CDC16: variants seen among roughly 807,000 people sequenced by gnomAD.
CDC16 encodes the protein cell division cycle 16, also known as cell division cycle protein 16 homolog.
A neutral mutation model predicts 87.0 loss-of-function variants in CDC16; 34 were observed. The ratio of observed to expected loss-of-function variants is 0.39; its 90% CI spans 0.30 to 0.52. The LOEUF is 0.52. Ranked by LOEUF, CDC16 falls within the 20% of genes least tolerant of loss-of-function variation. CDC16 has a pLI of 0.74. For synonymous variants in CDC16, 263 were observed against 260.6 expected, an observed-to-expected ratio of 1.01 and a Z score of -0.09; for missense variants, 653 against 751.9, an observed-to-expected ratio of 0.87 and a Z score of 1.54.
In CDC16 at chr13:114,250,661, C is replaced by T; in HGVS notation, c.1084C>T (p.Gln362Ter). The T allele has an allele frequency of 6.2e-7, 1 of 1,614,012 alleles. No homozygotes were observed. Among genetic ancestry groups the T allele is most frequent in the Non-Finnish European group, 8.5e-7 (1 of 1,179,952 alleles). The change falls in exon 12 of 18, where the codon CAG becomes TAG. Residue 362 changes from glutamine to a stop codon, truncating the protein, a stop_gained. Transcript: ENST00000356221. LOFTEE classifies it high-confidence loss of function. ...QAMAAYFTAA[Q>*]LMKGCHLPML... ...GATGGCTGCTTACTTCACAGCAGCA[C>T]AGCTGATGAAAGGGTACGGCAGAGC...
At chr13:114,239,179 T>TA in intron 4 of CDC16, 151 bp downstream of exon 4, 1 of 1,408,924 alleles carries the variant, frequency 7.1e-7, no homozygotes, top group African/African-American at 1.4e-5. Context: ...ATGTTTGCTA[T>TA]AAAATACTGA....
intron 10 of CDC16, among the ~76,000 whole-genome samples, chr13:114,246,638 G>C (rs2081888792): frequency 6.6e-6 from 1 of 152,180 alleles, no homozygotes; most frequent in Non-Finnish European, 1.5e-5. Context: ...GAAGAGCCAG[G>C]GTCAGGCTGG....
chr13:114,248,157 A>C (rs1166624158), intron 11 of CDC16, among the ~76,000 whole-genome samples: 1 of 152,222 alleles, frequency 6.6e-6, no homozygotes, highest in East Asian at 1.9e-4. Context: ...AAGCTATTTA[A>C]CCAGTATTAT....
chr13:114,263,865 A>G (rs1476784843), intron 16 of CDC16, among the ~76,000 whole-genome samples: 2 of 152,196 alleles, frequency 1.3e-5, no homozygotes, highest in Non-Finnish European at 2.9e-5. Flanking sequence ...CTGCCAACAT[A>G]ACCACCAAGT....
chr13:114,268,052 C>T (rs1384083119), intron 17 of CDC16, among the ~76,000 whole-genome samples: 1 of 152,140 alleles, frequency 6.6e-6, no homozygotes, highest in African/African-American at 2.4e-5. Flanking sequence ...TTCACTGTCA[C>T]CAGAGTGTCC....
chr13:114,246,200 C>A (rs771601686), intron 10 of CDC16, 151 bp downstream of exon 10: 6 of 507,908 alleles, frequency 1.2e-5, no homozygotes, highest in Middle Eastern at 5.1e-4. Context: ...ATTGTACTTA[C>A]AAAAGCAGCA....
intron 12 of CDC16, among the ~76,000 whole-genome samples, chr13:114,253,881 C>G (rs1473462648): frequency 6.6e-6 from 1 of 152,070 alleles, no homozygotes; most frequent in East Asian, 1.9e-4. Context: ...TGCATTATTG[C>G]AAGTGAGGTA....
intron 16 of CDC16, among the ~76,000 whole-genome samples, chr13:114,264,551 T>G (rs1393711166): frequency 6.6e-6 from 1 of 151,622 alleles, no homozygotes; most frequent in African/African-American, 2.4e-5. Flanking sequence ...AGAGCGAGAC[T>G]CTGTCTCAAA....
chr13:114,247,358 G>A (rs552025260), intron 11 of CDC16: 29 of 207,338 alleles, frequency 1.4e-4, no homozygotes, highest in African/African-American at 5.4e-4. Context: ...TAGTAGAGAC[G>A]AATCTCACTG....
Position 114,265,132 on chromosome 13 carries a change from C to T in CDC16, c.1513-18C>T. The T allele has an allele frequency of 6.5e-7, 1 of 1,527,572 alleles. No individual in the cohort carries two copies. Among genetic ancestry groups the T allele is most frequent in the Non-Finnish European group, 9.1e-7 (1 of 1,101,430 alleles). 94.6% of individuals were successfully genotyped at this position (1,527,572 alleles called of 1,614,324 possible). On this transcript the variant is annotated intron_variant, in intron 16 of 17. Transcript: ENST00000356221. ...AATATGTTTTCTTTTAATAACCATG[C>T]TGAATCTTTTATGGCAGGCCCTTGG...
chr13:114,266,954 C>T (rs868706521), intron 17 of CDC16, among the ~76,000 whole-genome samples: 30 of 152,036 alleles, frequency 2.0e-4, no homozygotes, highest in Middle Eastern at 3.4e-3. Context: ...CCTCGGCCTC[C>T]CAAAGTGCTG....
Position 114,243,981 on chromosome 13 carries a change from T to C in CDC16, c.759T>C (p.Leu253=). 1.2e-6 allele frequency: 2 copies of C among 1,607,766 alleles called. No individual in the cohort carries two copies. Among genetic ancestry groups the C allele is most frequent in the Non-Finnish European group, 1.7e-6 (2 of 1,174,946 alleles). ...YNCDFKMCYK[L]TSVVMEKDPF... Reference sequence around the variant, plus strand: ...GTGATTTTAAAATGTGCTACAAGCTTACTTCTGTGTAAGTATATCCATCCA... The same window carrying C: ...GTGATTTTAAAATGTGCTACAAGCTCACTTCTGTGTAAGTATATCCATCCA... The change falls in exon 8 of 18, where the codon CTT becomes CTC. Residue 253 remains leucine (L), a synonymous_variant. Transcript: ENST00000356221.
chr13:114,246,554 T>G (rs2081884717), intron 10 of CDC16, among the ~76,000 whole-genome samples: 1 of 152,042 alleles, frequency 6.6e-6, no homozygotes, highest in Non-Finnish European at 1.5e-5. Flanking sequence ...CGACAAGAAT[T>G]TGCACCCTAT....
chr13:114,252,320 A>C (rs1182725670), intron 12 of CDC16, among the ~76,000 whole-genome samples: 1 of 152,190 alleles, frequency 6.6e-6, no homozygotes, highest in African/African-American at 2.4e-5. Context: ...TAAAAGCCAT[A>C]CTCTTAGGAC....
chr13:114,256,186 A>G (rs2082486749), intron 12 of CDC16, among the ~76,000 whole-genome samples: 1 of 152,242 alleles, frequency 6.6e-6, no homozygotes, highest in African/African-American at 2.4e-5. Flanking sequence ...AGATTGTTTT[A>G]AGAGCTTGGT....
At chr13:114,246,477 A>C (rs768087518) in intron 10 of CDC16, among the ~76,000 whole-genome samples, 1 of 152,212 alleles carries the variant, frequency 6.6e-6, no homozygotes, top group Non-Finnish European at 1.5e-5. Flanking sequence ...GAGAACTAGG[A>C]ATGGAAAATG....
At chr13:114,269,234 T>A (rs931980505) in intron 17 of CDC16, among the ~76,000 whole-genome samples, 1 of 152,156 alleles carries the variant, frequency 6.6e-6, no homozygotes, top group Non-Finnish European at 1.5e-5. Context: ...TCATCTTAGG[T>A]TTCTTTGTAG....
At chr13:114,241,663 G>T (rs1305422181) in intron 5 of CDC16, among the ~76,000 whole-genome samples, 1 of 152,158 alleles carries the variant, frequency 6.6e-6, no homozygotes, top group African/African-American at 2.4e-5. Context: ...TTTTTTGTGT[G>T]TTTTTATTTA....
At chr13:114,263,236 C>T (rs1030761446) in intron 16 of CDC16, among the ~76,000 whole-genome samples, 4 of 152,176 alleles carry the variant, frequency 2.6e-5, no homozygotes, top group South Asian at 2.1e-4. Flanking sequence ...CAGTGAGGTG[C>T]GCAGGTGCCC....
Sources: gnomAD v4.1 joint callset for allele counts (sites outside exome capture counted in the v4.1 genomes callset) on GRCh38, gnomAD v4.1.1 for gene constraint, MANE v1.5 for transcripts, NCBI Gene and HGNC (gene_info 2026-07-23, HGNC 2026-07-21) for gene names.